The following ROBO2 variants were observed in gnomAD, a reference collection of about 807,000 sequenced individuals.
ROBO2 encodes the protein roundabout homolog 2.
ROBO2 carries 53 observed loss-of-function variants against 160.8 expected under a neutral mutation model. That is an observed-to-expected ratio of 0.33 (90% CI 0.26 to 0.41). ROBO2 has a LOEUF of 0.41. Among genes scored for constraint, ROBO2 ranks in the 10% least tolerant of loss-of-function variants. ROBO2 has a pLI of 1.00. For synonymous variants in ROBO2, 664 were observed against 611.7 expected, an observed-to-expected ratio of 1.09 and a Z score of -1.26; for missense variants, 1,577 against 1,722.4, an observed-to-expected ratio of 0.92 and a Z score of 1.49.
At chr3:77,002,523 C>G (rs1224193452) in intron 2 of ROBO2, among the ~76,000 whole-genome samples, 2 of 151,784 alleles carry the variant, frequency 1.3e-5, no homozygotes, top group Admixed American at 1.3e-4. Flanking sequence ...AATCCAATAA[C>G]TATTAGAATA....
chr3:77,390,328 T>G (rs564286713), intron 2 of ROBO2, among the ~76,000 whole-genome samples: 1 of 152,300 alleles, frequency 6.6e-6, no homozygotes, highest in Non-Finnish European at 1.5e-5. Flanking sequence ...TCTTACACAG[T>G]TTGGCTGTGT....
intron 2 of ROBO2, among the ~76,000 whole-genome samples, chr3:76,234,635 T>C (rs1003785119): frequency 6.6e-5 from 10 of 152,202 alleles, no homozygotes; most frequent in Admixed American, 5.2e-4. Flanking sequence ...TAATTACCGA[T>C]GGACATGTTT....
At chr3:77,455,436 C>T (rs1352699941) in intron 2 of ROBO2, among the ~76,000 whole-genome samples, 3 of 152,032 alleles carry the variant, frequency 2.0e-5, no homozygotes, top group Non-Finnish European at 4.4e-5. Context: ...AAGCAAAAAT[C>T]GTTATACTCT....
intron 2 of ROBO2, among the ~76,000 whole-genome samples, chr3:76,980,695 A>T (rs2060052311): frequency 6.6e-6 from 1 of 152,034 alleles, no homozygotes; most frequent in Non-Finnish European, 1.5e-5. Context: ...GCTTTTATTG[A>T]GATGTGATAA....
At chr3:76,114,309 A>C (rs1295724863) in intron 2 of ROBO2, among the ~76,000 whole-genome samples, 1 of 152,130 alleles carries the variant, frequency 6.6e-6, no homozygotes, top group Non-Finnish European at 1.5e-5. Flanking sequence ...GTGGCTTTTC[A>C]TGAAATTAAT....
intron 2 of ROBO2, among the ~76,000 whole-genome samples, chr3:76,504,055 CT>C (rs965920993): frequency 6.9e-4 from 105 of 152,158 alleles, no homozygotes; most frequent in Admixed American, 1.8e-3. Context: ...CAGAATAGTC[CT>C]TTTTTTATAT....
rs1193183263 is a variant in ROBO2, at chr3:76,599,836, A to ATG, written c.110-498176_110-498175dup. ...CTTTTTTTCATATGCTTTTGGCCACATGTATGTCTTCTTTTGAAAAGTGTC... is the reference window on the plus strand; with the variant it reads ...CTTTTTTTCATATGCTTTTGGCCACATGTGTATGTCTTCTTTTGAAAAGTGTC... On this transcript the variant is annotated intron_variant, in intron 2 of 26. Transcript: ENST00000487694. Among the ~76,000 whole-genome samples the ATG allele has an allele frequency of 2.0e-5, 3 of 152,210 alleles. No homozygotes were observed. The East Asian group carries it at 5.8e-4, about 29-fold the overall frequency.
rs557609592 is a variant in ROBO2, at chr3:76,502,257, C to T, written c.109+564655C>T. On this transcript the variant is annotated intron_variant, in intron 2 of 26. Coordinates refer to the ROBO2 transcript ENST00000487694. ...TACAGTAGAATACAGCTGCTCCTCC[C>T]TTCAAAGTTTCATTTCATTGCCTGT... Among the ~76,000 whole-genome samples, 11 of 152,258 alleles carry T rather than the reference C, an allele frequency of 7.2e-5. No homozygotes were observed. In the South Asian group the frequency reaches 2.1e-3, roughly 29 times the overall value.
chr3:76,113,023 T>A (rs1415351752), intron 2 of ROBO2, among the ~76,000 whole-genome samples: 1 of 152,110 alleles, frequency 6.6e-6, no homozygotes, highest in Non-Finnish European at 1.5e-5. Context: ...CACAATTAGC[T>A]TTTATTAACC....
At chr3:76,469,946 G>A (rs1230060298) in intron 2 of ROBO2, among the ~76,000 whole-genome samples, 1 of 152,044 alleles carries the variant, frequency 6.6e-6, no homozygotes, top group Non-Finnish European at 1.5e-5. Context: ...AATGAATAAA[G>A]AAAGAAAAAG....
At chr3:77,058,679 A>G (rs1466257295) in intron 1 of ROBO2, among the ~76,000 whole-genome samples, 1 of 150,184 alleles carries the variant, frequency 6.7e-6, no homozygotes, top group African/African-American at 2.4e-5. Flanking sequence ...ATAGGCCTGC[A>G]CCACCACACT....
At chr3:77,006,953 T>G (rs939356837) in intron 2 of ROBO2, among the ~76,000 whole-genome samples, 1 of 152,086 alleles carries the variant, frequency 6.6e-6, no homozygotes, top group Non-Finnish European at 1.5e-5. Context: ...AGTAAAAGGT[T>G]AAAAATAATT....
rs1456393171 is a variant in ROBO2, at chr3:77,177,850, ATC to A, written c.388+79516_388+79517del. On this transcript the variant is annotated intron_variant, in intron 2 of 25. Transcript: ENST00000461745. ...CATGTTTTCCAATAAGTCAACACAA[ATC>A]TCTCTTCCATTTATAATTATGTACG... Among the ~76,000 whole-genome samples the A allele has an allele frequency of 3.3e-5, 5 of 152,166 alleles. No individual in the cohort carries two copies. The East Asian group carries it at 7.7e-4, about 24-fold the overall frequency.
At chr3:77,174,212 A>G (rs1170675254) in intron 2 of ROBO2, among the ~76,000 whole-genome samples, 1 of 152,046 alleles carries the variant, frequency 6.6e-6, no homozygotes, top group Non-Finnish European at 1.5e-5. Context: ...CCCTCCCCAT[A>G]GCTTTGCTTG....
chr3:77,418,229 A>G lies in ROBO2; in HGVS notation c.389-59185A>G, dbSNP rs1274938062. ...CTTCAAATTGATATCAACTGTGTTTAGCATGGATAGGTACTTTGCTTGAGC... is the reference window on the plus strand; with the variant it reads ...CTTCAAATTGATATCAACTGTGTTTGGCATGGATAGGTACTTTGCTTGAGC... On this transcript the variant is annotated intron_variant, in intron 2 of 25. Coordinates refer to ENST00000461745, the Ensembl canonical transcript of ROBO2. Among the ~76,000 whole-genome samples the G allele has an allele frequency of 2.0e-5, 3 of 152,166 alleles. No homozygotes were observed. In the East Asian group the frequency reaches 5.8e-4, roughly 29 times the overall value.
Position 76,704,095 on chromosome 3 carries a change from T to A in ROBO2, c.110-393919T>A, listed in dbSNP as rs541021637. Among the ~76,000 whole-genome samples, 7 of 152,112 alleles carry A rather than the reference T, an allele frequency of 4.6e-5. No homozygotes were observed. In the East Asian group the frequency reaches 1.3e-3, roughly 29 times the overall value. On this transcript the variant is annotated intron_variant, in intron 2 of 26. Coordinates refer to the ROBO2 transcript ENST00000487694. ...GTTTGGATCAACTTCTAACAACTTA[T>A]TCTTTTGTAAAGAAATGTCTGAGTT...
chr3:77,418,837 G>A (rs372101539), intron 2 of ROBO2, among the ~76,000 whole-genome samples: 17 of 152,224 alleles, frequency 1.1e-4, no homozygotes, highest in African/African-American at 3.6e-4. Context: ...TAAAAGCCTC[G>A]TTGAAGTTGG....
chr3:77,207,732 T>C (rs532123450), intron 2 of ROBO2, among the ~76,000 whole-genome samples: 1 of 152,190 alleles, frequency 6.6e-6, no homozygotes, highest in Non-Finnish European at 1.5e-5. Flanking sequence ...AGTCATAAGC[T>C]TTTAGTGTGC....
intron 2 of ROBO2, among the ~76,000 whole-genome samples, chr3:76,715,394 T>C (rs977219505): frequency 1.3e-5 from 2 of 152,206 alleles, no homozygotes; most frequent in Non-Finnish European, 2.9e-5. Context: ...AGTTTTATAC[T>C]TCAGAATTGT....
Sources: allele counts gnomAD v4.1 joint callset (sites outside exome capture counted in the v4.1 genomes callset), GRCh38; gene constraint gnomAD v4.1.1; transcripts MANE v1.5; gene names NCBI Gene and HGNC (gene_info 2026-07-23, HGNC 2026-07-21).